Variants in NRG2 observed in about 807,000 individuals in gnomAD.
NRG2 encodes neuregulin 2, also known as pro-neuregulin-2, membrane-bound isoform.
In NRG2, 27 loss-of-function variants were observed where a neutral mutation model predicts 73.9. That is an observed-to-expected ratio of 0.37 (90% CI 0.27 to 0.50). The LOEUF is 0.50. Ranked by LOEUF, NRG2 falls within the 20% of genes least tolerant of loss-of-function variation. The probability of loss-of-function intolerance (pLI) is 0.96; values close to 1 mark genes in which losing one functional copy is unlikely to be tolerated. For missense variants in NRG2, 1,126 were observed against 1,210.1 expected (o/e 0.93, Z 1.03); for synonymous variants, 532 against 541.0 (o/e 0.98, Z 0.23).
chr5:139,917,890 AT>A (rs1751382829), intron 1 of NRG2, among the ~76,000 whole-genome samples: 1 of 152,122 alleles, frequency 6.6e-6, no homozygotes, highest in Non-Finnish European at 1.5e-5. Flanking sequence ...ATTTTTTAAA[AT>A]TTTGATTAAC....
At chr5:140,004,089 C>A (rs982073615) in intron 1 of NRG2, among the ~76,000 whole-genome samples, 2 of 152,110 alleles carry the variant, frequency 1.3e-5, no homozygotes, top group African/African-American at 4.8e-5. Flanking sequence ...TGTACAGGAA[C>A]CTTCTGTATC....
intron 1 of NRG2, among the ~76,000 whole-genome samples, chr5:139,994,794 A>G (rs941451026): frequency 1.6e-4 from 24 of 152,228 alleles, no homozygotes; most frequent in African/African-American, 5.8e-4. Flanking sequence ...AGGAAAGAAG[A>G]GTAGAATTGG....
At position 140,042,908 on chromosome 5, in the gene NRG2, G is replaced by GCTGTTGTTGCTGCTGCTC. The variant is rs759161351; in HGVS notation, c.144_161dup (p.Arg48_Asn53dup). The GCTGTTGTTGCTGCTGCTC allele has an allele frequency of 4.6e-6, 7 of 1,537,192 alleles. No individual in the cohort carries two copies. The South Asian group carries it at 7.2e-5, about 16-fold the overall frequency. On this transcript the variant is annotated inframe_insertion, in exon 1 of 10. Coordinates refer to ENST00000361474, the MANE Select transcript of NRG2 (RefSeq NM_004883.3). The stretch of plus-strand genomic sequence containing the variant: ...GGGGCGCAGCGGGACGAGAGATGCT[G>GCTGTTGTTGCTGCTGCTC]CTGTTGTTGCTGCTGCTCCTGCTGC...
chr5:139,897,378 G>C (rs1764613604), intron 1 of NRG2, among the ~76,000 whole-genome samples: 1 of 152,178 alleles, frequency 6.6e-6, no homozygotes, highest in African/African-American at 2.4e-5. Flanking sequence ...ATAACCGGCA[G>C]CTCTTATTAA....
intron 1 of NRG2, among the ~76,000 whole-genome samples, chr5:139,927,017 G>A (rs1445352066): frequency 6.6e-6 from 1 of 152,234 alleles, no homozygotes; most frequent in African/African-American, 2.4e-5. Context: ...CTGTGACCAT[G>A]GAAGGAAGAA....
intron 1 of NRG2, among the ~76,000 whole-genome samples, chr5:139,972,151 A>G (rs978952034): frequency 4.6e-5 from 7 of 152,222 alleles, no homozygotes; most frequent in African/African-American, 1.7e-4. Context: ...GTAGAATGTT[A>G]AGTGACATTT....
chr5:139,914,461 C>G (rs976964776), intron 1 of NRG2, among the ~76,000 whole-genome samples: 13 of 152,168 alleles, frequency 8.5e-5, no homozygotes, highest in African/African-American at 3.1e-4. Flanking sequence ...AGCTACCTTC[C>G]TCTCGCTGCT....
chr5:139,907,728 G>A (rs1346950616), intron 1 of NRG2, among the ~76,000 whole-genome samples: 1 of 152,148 alleles, frequency 6.6e-6, no homozygotes, highest in Non-Finnish European at 1.5e-5. Context: ...AGGGAGGTTG[G>A]GCTTGAAGAA....
At position 139,915,320 on chromosome 5, in the gene NRG2, C is replaced by G. The variant is rs1192057101; in HGVS notation, c.701-27809G>C. Among the ~76,000 whole-genome samples, 1 of 152,206 alleles carries G rather than the reference C, an allele frequency of 6.6e-6. No homozygotes were observed. The highest frequency in any genetic ancestry group is 1.9e-4 in the East Asian group (1 of 5,200). ...ATGGGGTGATTTCGTGGACACAGTA[C>G]AGAGGACAATGGGATTGGGAGAGCA... is the stretch of plus-strand genomic sequence containing the variant. On this transcript the variant is annotated intron_variant, in intron 1 of 9. Coordinates refer to ENST00000361474, the MANE Select transcript of NRG2 (RefSeq NM_004883.3). The surrounding 1 kb of genome is among the most constrained non-coding windows in gnomAD (Gnocchi z 4.0).
intron 1 of NRG2, among the ~76,000 whole-genome samples, chr5:140,025,897 C>G (rs911362219): frequency 2.0e-5 from 3 of 152,210 alleles, no homozygotes; most frequent in African/African-American, 7.2e-5. Flanking sequence ...CCTCCTCCCC[C>G]ATCCGACTAT....
chr5:139,905,242 T>C (rs370554768), intron 1 of NRG2, among the ~76,000 whole-genome samples: 27 of 150,468 alleles, frequency 1.8e-4, no homozygotes, highest in African/African-American at 4.9e-4. Flanking sequence ...CCACAAACCA[T>C]TGGGTAGGGG....
intron 1 of NRG2, among the ~76,000 whole-genome samples, chr5:139,975,119 T>C (rs1288923008): frequency 6.6e-6 from 1 of 152,192 alleles, no homozygotes; most frequent in Non-Finnish European, 1.5e-5. Context: ...CCCCCAATAA[T>C]ATCGCGATGT....
In NRG2 at chr5:140,042,849, C is replaced by A. The variant is rs1262399270; in HGVS notation, c.221G>T (p.Arg74Leu). The A allele has an allele frequency of 1.3e-6, 2 of 1,493,912 alleles. No individual in the cohort carries two copies. The highest frequency in any genetic ancestry group is 2.9e-5 in the African/African-American group (2 of 68,874). The allele number at this position is 1,493,912 out of a possible 1,614,324, so 92.5% of individuals were successfully genotyped here. The change falls in exon 1 of 10, where the codon CGC becomes CTC. Residue 74 changes from arginine (R) to leucine (L), a missense_variant. Coordinates refer to ENST00000361474, the MANE Select transcript of NRG2 (RefSeq NM_004883.3). The part of the protein sequence containing the change: ...EPRPQQQPQP[R>L]SPAARRAAAR... ...GGCGGCTCTCCGGGCTGCGGGGCTG[C>A]GGGGCTGCGGCTGTTGCTGCGGCCG...
chr5:139,896,263 G>A (rs530498119), intron 1 of NRG2, among the ~76,000 whole-genome samples: 1 of 152,296 alleles, frequency 6.6e-6, no homozygotes, highest in East Asian at 1.9e-4. Flanking sequence ...AAAGTGTTAA[G>A]TTCATGTGGA....
chr5:139,865,294 T>C lies in NRG2; in HGVS notation c.1189+255A>G, dbSNP rs941974800. The C allele has an allele frequency of 1.4e-5, 12 of 863,892 alleles. No homozygotes were observed. Among genetic ancestry groups the C allele is most frequent in the Non-Finnish European group, 2.1e-5 (11 of 514,942 alleles). 53.5% of individuals were successfully genotyped at this position (863,892 alleles called of 1,614,324 possible). ...TTCCTTGCCACCGTTACCATTTGTA[T>C]TGGCCTTGCCACTCTGCCCCTTACC... On this transcript the variant is annotated intron_variant, in intron 5 of 9. Coordinates refer to ENST00000361474, the MANE Select transcript of NRG2 (RefSeq NM_004883.3). This position sits in a 1 kb window ranked among gnomAD's most constrained non-coding sequence, Gnocchi z 5.2.
At chr5:139,911,855 C>T (rs1213324222) in intron 1 of NRG2, among the ~76,000 whole-genome samples, 1 of 152,204 alleles carries the variant, frequency 6.6e-6, no homozygotes, top group Admixed American at 6.5e-5. Flanking sequence ...ACTTACACAC[C>T]AAGGCCTATG....
intron 1 of NRG2, among the ~76,000 whole-genome samples, chr5:139,939,228 C>CTTCT (rs2126416929): frequency 6.9e-6 from 1 of 144,876 alleles, no homozygotes; most frequent in South Asian, 2.3e-4. Context: ...TCCTTCCTTC[C>CTTCT]TTCCTTCCTT....
At chr5:140,023,896 G>A (rs1240958647) in intron 1 of NRG2, among the ~76,000 whole-genome samples, 5 of 152,102 alleles carry the variant, frequency 3.3e-5, no homozygotes, top group Non-Finnish European at 5.9e-5. Context: ...TTGGTTTCTC[G>A]GGAATATCAA....
chr5:139,966,054 C>T (rs1380924271), intron 1 of NRG2, among the ~76,000 whole-genome samples: 3 of 152,124 alleles, frequency 2.0e-5, no homozygotes, highest in Admixed American at 6.5e-5. Flanking sequence ...GACCATGTCT[C>T]GCTTATTTAC....
Sources: allele counts gnomAD v4.1 joint callset (sites outside exome capture counted in the v4.1 genomes callset), GRCh38; gene constraint gnomAD v4.1.1; non-coding constraint Gnocchi (gnomAD v3.1); transcripts MANE v1.5; gene names NCBI Gene and HGNC (gene_info 2026-07-23, HGNC 2026-07-21).